OTUD7A: variants seen among roughly 807,000 people sequenced by gnomAD.
The protein encoded by OTUD7A is OTU deubiquitinase 7A.
Under a neutral mutation model 65.7 loss-of-function variants are expected in OTUD7A, and 12 were observed. The observed-to-expected ratio is 0.18, with a 90% confidence interval of 0.12 to 0.30. The LOEUF (loss-of-function observed/expected upper bound fraction) is 0.30. Among genes scored for constraint, OTUD7A ranks in the 10% least tolerant of loss-of-function variants. The pLI is 1.00. For missense variants in OTUD7A, 1,148 were observed against 1,304.8 expected, an observed-to-expected ratio of 0.88 and a Z score of 1.85; for synonymous variants, 641 against 586.3, an observed-to-expected ratio of 1.09 and a Z score of -1.35.
At chr15:31,683,030 T>TA (rs1417499103) in intron 1 of OTUD7A, among the ~76,000 whole-genome samples, 1 of 152,206 alleles carries the variant, frequency 6.6e-6, no homozygotes, top group Non-Finnish European at 1.5e-5. Context: ...CCAGACCACT[T>TA]AGAGTAAGTG....
At chr15:31,642,441 C>A (rs2141263370) in intron 3 of OTUD7A, among the ~76,000 whole-genome samples, 1 of 152,266 alleles carries the variant, frequency 6.6e-6, no homozygotes, top group East Asian at 1.9e-4. Flanking sequence ...AACCCCTTTT[C>A]AATTTCCTGG....
At chr15:31,486,193 CT>C (rs1283510102) in intron 12 of OTUD7A, among the ~76,000 whole-genome samples, 1 of 152,226 alleles carries the variant, frequency 6.6e-6, no homozygotes, top group African/African-American at 2.4e-5. Context: ...TCTCGAGCCA[CT>C]GCCATCACTC....
intron 1 of OTUD7A, among the ~76,000 whole-genome samples, chr15:31,729,310 C>T (rs1339672019): frequency 6.6e-6 from 1 of 152,152 alleles, no homozygotes; most frequent in Non-Finnish European, 1.5e-5. Context: ...AACCATGATA[C>T]CCTGTGGATG....
chr15:31,551,153 C>T (rs775684377), intron 5 of OTUD7A, among the ~76,000 whole-genome samples: 4 of 152,150 alleles, frequency 2.6e-5, no homozygotes, highest in Non-Finnish European at 4.4e-5. Context: ...CAGACGTGAC[C>T]GCCCTGAAAA....
At chr15:31,725,220 C>A (rs932356622) in intron 1 of OTUD7A, among the ~76,000 whole-genome samples, 3 of 152,134 alleles carry the variant, frequency 2.0e-5, no homozygotes, top group Non-Finnish European at 4.4e-5. Context: ...AAGTCCCTGC[C>A]CTGCTGGGAA....
intron 1 of OTUD7A, chr15:31,767,771 G>C (rs1895127954): frequency 5.6e-6 from 4 of 709,374 alleles, no homozygotes; most frequent in Admixed American, 2.4e-5. Flanking sequence ...CTTTTCAGCA[G>C]TTCTACGAGA....
At chr15:31,830,392 A>G (rs1446781553) in intron 1 of OTUD7A, among the ~76,000 whole-genome samples, 2 of 152,182 alleles carry the variant, frequency 1.3e-5, no homozygotes, top group African/African-American at 2.4e-5. Flanking sequence ...GGATGTTACA[A>G]TGTTTTAGGT....
chr15:31,519,392 G>A (rs2041908539), intron 8 of OTUD7A, among the ~76,000 whole-genome samples: 1 of 152,162 alleles, frequency 6.6e-6, no homozygotes, highest in South Asian at 2.1e-4. Flanking sequence ...TCGATGTCCT[G>A]TTAGATTTGA....
At chr15:31,519,236 G>C (rs907468615) in intron 8 of OTUD7A, among the ~76,000 whole-genome samples, 2 of 152,166 alleles carry the variant, frequency 1.3e-5, no homozygotes, top group Non-Finnish European at 1.5e-5. Context: ...GAAATTATCA[G>C]TTATTTTTCT....
At chr15:31,726,353 A>G (rs1313854719) in intron 1 of OTUD7A, among the ~76,000 whole-genome samples, 10 of 151,634 alleles carry the variant, frequency 6.6e-5, no homozygotes, top group African/African-American at 1.5e-4. Context: ...ACACGCACAC[A>G]CACACACACA....
chr15:31,617,071 G>C (rs1421330211), intron 3 of OTUD7A, among the ~76,000 whole-genome samples: 1 of 151,812 alleles, frequency 6.6e-6, no homozygotes, highest in Non-Finnish European at 1.5e-5. Context: ...ATGCTGAGAG[G>C]GTAGATCTAC....
chr15:31,596,050 T>C (rs758729662), intron 3 of OTUD7A, among the ~76,000 whole-genome samples: 70 of 152,176 alleles, frequency 4.6e-4, no homozygotes, highest in Non-Finnish European at 9.6e-4. Flanking sequence ...ACCTAGATAA[T>C]CCAGGATAAT....
intron 5 of OTUD7A, among the ~76,000 whole-genome samples, chr15:31,538,992 C>T (rs1015633743): frequency 1.3e-5 from 2 of 152,218 alleles, no homozygotes; most frequent in Non-Finnish European, 2.9e-5. Context: ...TAAATGCTGA[C>T]GAATATGTGC....
intron 3 of OTUD7A, among the ~76,000 whole-genome samples, chr15:31,633,733 C>T (rs1360788557): frequency 1.3e-5 from 2 of 152,148 alleles, no homozygotes; most frequent in East Asian, 1.9e-4. Flanking sequence ...TCTAACCCAA[C>T]GAATTACAAC....
Position 31,534,355 on chromosome 15 carries a change from T to C in OTUD7A, c.551-3547A>G, listed in dbSNP as rs1045063422. On this transcript the variant is annotated intron_variant, in intron 5 of 12. Coordinates refer to ENST00000307050, the MANE Select transcript of OTUD7A (RefSeq NM_001382637.1). ...AGAAAAAGCATTTGACAAAATTCAA[T>C]ACTCATAATTAAAAATTCCCATAAA... is the stretch of plus-strand genomic sequence containing the variant. Among the ~76,000 whole-genome samples, 3 of 152,114 alleles carry C rather than the reference T, an allele frequency of 2.0e-5. No individual in the cohort carries two copies. In the East Asian group the frequency reaches 5.8e-4, roughly 29 times the overall value.
intron 1 of OTUD7A, among the ~76,000 whole-genome samples, chr15:31,697,853 G>A (rs1260722464): frequency 6.6e-6 from 1 of 152,178 alleles, no homozygotes; most frequent in African/African-American, 2.4e-5. Context: ...CTCGAAATGT[G>A]CTGAGATGTG....
At chr15:31,758,091 T>G (rs77772921) in intron 1 of OTUD7A, among the ~76,000 whole-genome samples, 3,150 of 152,340 alleles carry the variant, frequency 0.021, 49 homozygotes, top group Non-Finnish European at 0.029. Flanking sequence ...CTTTTAATGT[T>G]GACAAATTAT....
chr15:31,821,109 G>C (rs1896668280), intron 1 of OTUD7A, among the ~76,000 whole-genome samples: 1 of 147,946 alleles, frequency 6.8e-6, no homozygotes, highest in African/African-American at 2.5e-5. Flanking sequence ...GTCAATCGTT[G>C]TGGCATAAAT....
At chr15:31,799,777 T>G (rs1422840839) in intron 1 of OTUD7A, among the ~76,000 whole-genome samples, 1 of 152,156 alleles carries the variant, frequency 6.6e-6, no homozygotes, top group Non-Finnish European at 1.5e-5. Context: ...TCCAGATCTT[T>G]CTGGCTCACA....
Sources: gnomAD v4.1 joint callset for allele counts (sites outside exome capture counted in the v4.1 genomes callset) on GRCh38, gnomAD v4.1.1 for gene constraint, MANE v1.5 for transcripts, NCBI Gene and HGNC (gene_info 2026-07-23, HGNC 2026-07-21) for gene names.